GPC6: variants seen among roughly 807,000 people sequenced by gnomAD.
The protein encoded by GPC6 is glypican 6.
A neutral mutation model predicts 55.2 loss-of-function variants in GPC6; 14 were observed. The ratio of observed to expected loss-of-function variants is 0.25; its 90% CI spans 0.17 to 0.40. The LOEUF is 0.40. Ranked by LOEUF, GPC6 falls within the 10% of genes least tolerant of loss-of-function variation. The pLI, the probability that GPC6 is intolerant of heterozygous loss-of-function variation, is 1.00. For missense variants in GPC6, 641 were observed against 708.5 expected, an observed-to-expected ratio of 0.90 and a Z score of 1.08; for synonymous variants, 278 against 259.6, an observed-to-expected ratio of 1.07 and a Z score of -0.68.
intron 3 of GPC6, among the ~76,000 whole-genome samples, chr13:93,977,465 GGGGTGTGT>G (rs1435619688): frequency 8.7e-6 from 1 of 115,234 alleles, no homozygotes; most frequent in Admixed American, 1.1e-4. Flanking sequence ...AAGATGACAA[GGGGTGTGT>G]GTGTGTGTGT....
At chr13:93,754,195 C>T (rs1040583081) in intron 2 of GPC6, among the ~76,000 whole-genome samples, 16 of 152,284 alleles carry the variant, frequency 1.1e-4, no homozygotes, top group Admixed American at 6.5e-4. Flanking sequence ...GATAGTTTCT[C>T]CCCAGTTTTT....
At chr13:93,417,489 A>G (rs1876742548) in intron 1 of GPC6, among the ~76,000 whole-genome samples, 1 of 151,990 alleles carries the variant, frequency 6.6e-6, no homozygotes, top group Non-Finnish European at 1.5e-5. Flanking sequence ...ATGGCCTTGT[A>G]GTGTAATCTG....
At chr13:93,899,979 T>C (rs748734564) in intron 3 of GPC6, among the ~76,000 whole-genome samples, 1 of 152,170 alleles carries the variant, frequency 6.6e-6, no homozygotes, top group African/African-American at 2.4e-5. Context: ...AATCATATTG[T>C]CAAGTCTCTC....
intron 4 of GPC6, among the ~76,000 whole-genome samples, chr13:94,273,172 T>C (rs1892098892): frequency 6.6e-6 from 1 of 152,138 alleles, no homozygotes; most frequent in African/African-American, 2.4e-5. Context: ...CAGAGATGAA[T>C]CCCAGAACTA....
At chr13:93,926,659 C>T (rs1329191373) in intron 3 of GPC6, among the ~76,000 whole-genome samples, 2 of 152,112 alleles carry the variant, frequency 1.3e-5, no homozygotes, top group African/African-American at 2.4e-5. Flanking sequence ...GATCAGCTTT[C>T]CATAATTTTA....
chr13:93,968,228 G>T lies in GPC6; in HGVS notation c.712-59501G>T, dbSNP rs550122809. On this transcript the variant is annotated intron_variant, in intron 3 of 8. Coordinates refer to ENST00000377047, the MANE Select transcript of GPC6 (RefSeq NM_005708.5). ...GAAGAGAGAGTGGGCCTTCAAGAGT[G>T]CAGGGCATTAATAAAACCAAAAATA... Among the ~76,000 whole-genome samples the T allele has an allele frequency of 1.2e-4, 18 of 152,200 alleles. No homozygotes were observed. The East Asian group carries it at 2.3e-3, about 20-fold the overall frequency.
intron 1 of GPC6, among the ~76,000 whole-genome samples, chr13:93,241,952 C>G (rs1042559108): frequency 4.6e-5 from 7 of 151,932 alleles, no homozygotes; most frequent in African/African-American, 1.7e-4. Flanking sequence ...AGAATTTTGT[C>G]TGATGGCTTT....
chr13:93,741,788 A>G (rs1387554997), intron 2 of GPC6, among the ~76,000 whole-genome samples: 1 of 152,122 alleles, frequency 6.6e-6, no homozygotes, highest in East Asian at 1.9e-4. Context: ...AGCATGACCT[A>G]CTTGTTGAAC....
intron 5 of GPC6, among the ~76,000 whole-genome samples, chr13:94,304,275 G>T (rs1020510255): frequency 2.0e-5 from 3 of 152,206 alleles, no homozygotes; most frequent in Admixed American, 6.5e-5. Flanking sequence ...CTGAGTTGAA[G>T]GAGAACTTTT....
At chr13:93,608,754 GGT>G (rs1878346709) in intron 2 of GPC6, among the ~76,000 whole-genome samples, 1 of 152,156 alleles carries the variant, frequency 6.6e-6, no homozygotes. Context: ...GGATGGAGGT[GGT>G]GTGTGAGAGG....
At chr13:93,714,128 A>G (rs946740481) in intron 2 of GPC6, among the ~76,000 whole-genome samples, 2 of 151,978 alleles carry the variant, frequency 1.3e-5, no homozygotes, top group Non-Finnish European at 2.9e-5. Context: ...AGCAAAAGAA[A>G]CCATCAACAG....
chr13:93,913,939 C>A (rs942228641), intron 3 of GPC6, among the ~76,000 whole-genome samples: 1 of 142,564 alleles, frequency 7.0e-6, no homozygotes, highest in African/African-American at 2.5e-5. Context: ...GCTCCCCACA[C>A]CTTCCATTTC....
chr13:93,531,591 A>G (rs1006485165), intron 1 of GPC6, among the ~76,000 whole-genome samples: 2 of 152,254 alleles, frequency 1.3e-5, no homozygotes, highest in South Asian at 2.1e-4. Context: ...CAACACCTAC[A>G]TTAGTGTTTG....
At chr13:94,262,670 C>A (rs1180426308) in intron 4 of GPC6, among the ~76,000 whole-genome samples, 1 of 125,626 alleles carries the variant, frequency 8.0e-6, no homozygotes, top group African/African-American at 3.0e-5. Context: ...GAGACTCCGT[C>A]TCAGAAAAAA....
chr13:94,182,201 A>AT (rs34280963), intron 4 of GPC6, among the ~76,000 whole-genome samples: 22,320 of 148,096 alleles, frequency 0.15, 1,863 homozygotes, highest in Middle Eastern at 0.22. Flanking sequence ...TAGGTCTCAG[A>AT]TTTTTTTTTT....
rs919595709 is a variant in GPC6, at chr13:94,089,336, G to A, written c.877+61442G>A. Among the ~76,000 whole-genome samples, 44 of 152,196 alleles carry A rather than the reference G, an allele frequency of 2.9e-4. 1 individual carries two copies. Among genetic ancestry groups the A allele is most frequent in the African/African-American group, 1.0e-3 (43 of 41,552 alleles). ...CTAGCCAAAGACTTTCAATGACATC[G>A]CAGAAGAGAGAGAGATGTCTGTGAT... On this transcript the variant is annotated intron_variant, in intron 4 of 8. Transcript: ENST00000377047.
At chr13:93,367,928 A>G (rs1881305968) in intron 1 of GPC6, among the ~76,000 whole-genome samples, 2 of 152,130 alleles carry the variant, frequency 1.3e-5, no homozygotes, top group African/African-American at 4.8e-5. Context: ...TATCCTATAA[A>G]TGTCACTTCG....
At chr13:93,273,471 A>T (rs951111005) in intron 1 of GPC6, among the ~76,000 whole-genome samples, 3 of 152,164 alleles carry the variant, frequency 2.0e-5, no homozygotes, top group African/African-American at 7.2e-5. Context: ...ATTCTGGCTA[A>T]CACGGTGAAA....
At chr13:94,230,954 T>C (rs1055476977) in intron 4 of GPC6, among the ~76,000 whole-genome samples, 9 of 152,048 alleles carry the variant, frequency 5.9e-5, no homozygotes, top group African/African-American at 2.2e-4. Context: ...AGGGTCAGGC[T>C]TGGGGGAAGG....
Sources: allele counts gnomAD v4.1 joint callset (sites outside exome capture counted in the v4.1 genomes callset), GRCh38; gene constraint gnomAD v4.1.1; transcripts MANE v1.5; gene names NCBI Gene and HGNC (gene_info 2026-07-23, HGNC 2026-07-21).